REEP1: variants seen among roughly 807,000 people sequenced by gnomAD.
REEP1 encodes receptor expression-enhancing protein 1.
A neutral mutation model predicts 40.3 loss-of-function variants in REEP1; 22 were observed. The ratio of observed to expected loss-of-function variants is 0.55; its 90% confidence interval spans 0.39 to 0.78. The LOEUF (loss-of-function observed/expected upper bound fraction) is 0.78. Among genes scored for constraint, REEP1 ranks in the 30% least tolerant of loss-of-function variants. REEP1 has a pLI of 0.00. For synonymous variants in REEP1, 116 were observed against 139.2 expected (o/e 0.83, Z 1.17); for missense variants, 280 against 361.1 (o/e 0.78, Z 1.82).
chr2:86,308,097 T>G (rs1462814220), intron 1 of REEP1, among the ~76,000 whole-genome samples: 1 of 152,118 alleles, frequency 6.6e-6, no homozygotes, highest in Non-Finnish European at 1.5e-5. Context: ...TAAATATGGG[T>G]CAGATCACTA....
chr2:86,264,795 GC>G (rs541462794), intron 2 of REEP1, among the ~76,000 whole-genome samples: 4 of 152,284 alleles, frequency 2.6e-5, no homozygotes, highest in African/African-American at 9.6e-5. Flanking sequence ...CTGTTTGAAG[GC>G]CCTGGAGAGC....
intron 3 of REEP1, among the ~76,000 whole-genome samples, chr2:86,256,964 A>T (rs764306879): frequency 6.6e-6 from 1 of 152,124 alleles, no homozygotes; most frequent in Non-Finnish European, 1.5e-5. Context: ...CCCAGTCAGT[A>T]GCCTTACCCA....
intron 2 of REEP1, among the ~76,000 whole-genome samples, chr2:86,264,577 T>TCCTAATAC (rs1451804501): frequency 3.3e-5 from 5 of 152,064 alleles, no homozygotes; most frequent in Admixed American, 1.3e-4. Flanking sequence ...CAGCAACCCA[T>TCCTAATAC]CCTAATACCA....
chr2:86,225,239 A>T (rs1035239131), intron 7 of REEP1, among the ~76,000 whole-genome samples: 3 of 152,198 alleles, frequency 2.0e-5, no homozygotes, highest in African/African-American at 7.2e-5. Context: ...CTCCTCTGTC[A>T]GTTCAGTTTG....
intron 4 of REEP1, among the ~76,000 whole-genome samples, chr2:86,254,294 T>G (rs1411410735): frequency 6.6e-6 from 1 of 152,148 alleles, no homozygotes; most frequent in Non-Finnish European, 1.5e-5. Flanking sequence ...TACCCCTGAG[T>G]AGCTGGAATT....
intron 7 of REEP1, among the ~76,000 whole-genome samples, chr2:86,226,923 A>C (rs1674739620): frequency 6.6e-6 from 1 of 152,082 alleles, no homozygotes; most frequent in Admixed American, 6.5e-5. Flanking sequence ...GTGACTTCAA[A>C]ACCTAGGACA....
Position 86,337,456 on chromosome 2 carries a change from G to A in REEP1, c.32+23C>T. 2.4e-6 allele frequency: 3 copies of A among 1,256,942 alleles called. No homozygotes were observed. The highest frequency in any genetic ancestry group is 1.0e-6 in the Non-Finnish European group (1 of 996,374). The allele number at this position is 1,256,942 out of a possible 1,614,324, so 77.9% of individuals were successfully genotyped here. On this transcript the variant is annotated intron_variant, in intron 1 of 8. Transcript: ENST00000538924. The surrounding 1 kb of genome is among the most constrained non-coding windows in gnomAD (Gnocchi z 5.8). Reference sequence around the variant, plus strand: ...GGGCGGGGAGGGAGGGGACGGAGGGGCGCGGGGGAGAAGGCCACTTACACC... The same window carrying A: ...GGGCGGGGAGGGAGGGGACGGAGGGACGCGGGGGAGAAGGCCACTTACACC...
intron 2 of REEP1, among the ~76,000 whole-genome samples, chr2:86,270,311 C>G (rs1259852124): frequency 6.6e-6 from 1 of 152,176 alleles, no homozygotes; most frequent in African/African-American, 2.4e-5. Context: ...ATTCTCCTGC[C>G]TCAGCCTCCC....
chr2:86,300,480 AC>A (rs1179813752), intron 1 of REEP1, among the ~76,000 whole-genome samples: 2 of 152,182 alleles, frequency 1.3e-5, no homozygotes, highest in Non-Finnish European at 2.9e-5. Context: ...AAGAGTGGGG[AC>A]TGCAACTGTG....
At chr2:86,311,198 T>G (rs1340944219) in intron 1 of REEP1, among the ~76,000 whole-genome samples, 1 of 140,614 alleles carries the variant, frequency 7.1e-6, no homozygotes, top group South Asian at 2.1e-4. Flanking sequence ...TTAAAATAAT[T>G]GTGAGCACTA....
chr2:86,294,014 G>A (rs1678855492), intron 1 of REEP1, among the ~76,000 whole-genome samples: 1 of 152,040 alleles, frequency 6.6e-6, no homozygotes, highest in African/African-American at 2.4e-5. Flanking sequence ...AAGTTAAATG[G>A]GCCAATCACA....
chr2:86,251,829 A>G, intron 5 of REEP1, 128 bp downstream of exon 5: 1 of 773,162 alleles, frequency 1.3e-6, no homozygotes, highest in Non-Finnish European at 2.3e-6. Flanking sequence ...CAGATTTTCA[A>G]AAGGACCCCT....
intron 1 of REEP1, among the ~76,000 whole-genome samples, chr2:86,300,068 A>G (rs1228062760): frequency 1.3e-5 from 2 of 152,158 alleles, no homozygotes; most frequent in South Asian, 4.1e-4. Flanking sequence ...AGATGCTTGG[A>G]TCTGCTTTAG....
chr2:86,254,884 C>G (rs1416810533), intron 3 of REEP1, 70 bp from the exon 4 acceptor site: 63 of 1,573,910 alleles, frequency 4.0e-5, no homozygotes, highest in Non-Finnish European at 5.4e-5. Flanking sequence ...AGGATGAGAC[C>G]CGGTGGGTGG....
chr2:86,246,760 G>C (rs1675980667), intron 5 of REEP1, among the ~76,000 whole-genome samples: 1 of 147,632 alleles, frequency 6.8e-6, no homozygotes, highest in Non-Finnish European at 1.5e-5. Context: ...GAAGTGCAAT[G>C]GTGTGATCTC....
chr2:86,309,523 G>A (rs1679661456), intron 1 of REEP1, among the ~76,000 whole-genome samples: 1 of 152,174 alleles, frequency 6.6e-6, no homozygotes, highest in Admixed American at 6.5e-5. Flanking sequence ...AGCTCAGGCT[G>A]CCATAACAAA....
In REEP1 at chr2:86,242,780, C is replaced by G. The variant is rs544752965; in HGVS notation, c.417+9177G>C. On this transcript the variant is annotated intron_variant, in intron 5 of 8. Coordinates refer to ENST00000538924, the MANE Select transcript of REEP1 (RefSeq NM_001371279.1). ...AAACAGGAAGGGAGAGAGCAGTCGA[C>G]CATTTGGGTAGCTACTGCAAGAGTC... 2.0e-5 allele frequency among the ~76,000 whole-genome samples: 3 copies of G among 152,150 alleles called. No individual in the cohort carries two copies. In the South Asian group the frequency reaches 6.2e-4, roughly 32 times the overall value.
intron 5 of REEP1, among the ~76,000 whole-genome samples, chr2:86,246,110 C>T (rs900813252): frequency 6.6e-6 from 1 of 152,112 alleles, no homozygotes; most frequent in Non-Finnish European, 1.5e-5. Flanking sequence ...CTACATGTGG[C>T]AAGTGGATAC....
At chr2:86,226,812 C>A (rs979578616) in intron 7 of REEP1, among the ~76,000 whole-genome samples, 1 of 152,056 alleles carries the variant, frequency 6.6e-6, no homozygotes, top group Non-Finnish European at 1.5e-5. Context: ...TTCTTTGATA[C>A]TCCTCCCTTC....
Sources: allele counts gnomAD v4.1 joint callset (sites outside exome capture counted in the v4.1 genomes callset), GRCh38; gene constraint gnomAD v4.1.1; non-coding constraint Gnocchi (gnomAD v3.1); transcripts MANE v1.5; gene names NCBI Gene and HGNC (gene_info 2026-07-23, HGNC 2026-07-21).